DGKI: variants seen among roughly 807,000 people sequenced by gnomAD.
DGKI encodes diacylglycerol kinase iota.
A neutral mutation model predicts 147.5 loss-of-function variants in DGKI; 55 were observed. That is an observed-to-expected ratio of 0.37 (90% CI 0.30 to 0.47). DGKI has a LOEUF of 0.47. DGKI is among the 20% of genes least tolerant of loss of function. The probability of loss-of-function intolerance (pLI) is 1.00; values close to 1 mark genes in which losing one functional copy is unlikely to be tolerated. For missense variants in DGKI, 1,007 were observed against 1,323.8 expected (o/e 0.76, Z 3.71); for synonymous variants, 469 against 477.1 (o/e 0.98, Z 0.22).
At chr7:137,621,754 C>A (rs936203275) in intron 7 of DGKI, among the ~76,000 whole-genome samples, 1 of 152,200 alleles carries the variant, frequency 6.6e-6, no homozygotes, top group Non-Finnish European at 1.5e-5. Flanking sequence ...AGAAAGAGAG[C>A]ACACATGTTC....
At chr7:137,835,395 T>C (rs1281297453) in intron 1 of DGKI, among the ~76,000 whole-genome samples, 3 of 152,146 alleles carry the variant, frequency 2.0e-5, no homozygotes, top group Non-Finnish European at 4.4e-5. Flanking sequence ...GGCTATTTCT[T>C]CCCCTAAAAA....
intron 27 of DGKI, among the ~76,000 whole-genome samples, chr7:137,454,107 A>G (rs1218323188): frequency 6.6e-6 from 1 of 152,172 alleles, no homozygotes; most frequent in Non-Finnish European, 1.5e-5. Flanking sequence ...ATTCTTAAAA[A>G]ATGCACAGAG....
chr7:137,629,218 A>G (rs1393283814), intron 6 of DGKI, among the ~76,000 whole-genome samples: 1 of 151,250 alleles, frequency 6.6e-6, no homozygotes, highest in Non-Finnish European at 1.5e-5. Context: ...ACTTCCTATG[A>G]TTTTTGAAAA....
intron 24 of DGKI, 32 bp downstream of exon 24, chr7:137,469,518 C>A: frequency 6.2e-7 from 1 of 1,611,958 alleles, no homozygotes; most frequent in Non-Finnish European, 8.5e-7. Flanking sequence ...TTCCCCAACT[C>A]CCACGATACC....
intron 23 of DGKI, among the ~76,000 whole-genome samples, chr7:137,477,684 T>C (rs1197633088): frequency 2.6e-5 from 4 of 151,944 alleles, no homozygotes; most frequent in Admixed American, 2.6e-4. Context: ...TGAGACAGGG[T>C]CTCACCCTGT....
intron 3 of DGKI, among the ~76,000 whole-genome samples, chr7:137,657,121 C>T (rs899236884): frequency 5.3e-5 from 8 of 152,180 alleles, no homozygotes; most frequent in South Asian, 2.1e-4. Flanking sequence ...TCAGCTTTTA[C>T]GCCCAGGAAA....
chr7:137,768,489 C>T (rs952158030), intron 1 of DGKI, among the ~76,000 whole-genome samples: 2 of 152,158 alleles, frequency 1.3e-5, no homozygotes, highest in African/African-American at 4.8e-5. Context: ...AGACGACTCT[C>T]AAGAAGCAGC....
intron 3 of DGKI, among the ~76,000 whole-genome samples, chr7:137,664,535 T>C (rs914581757): frequency 2.0e-5 from 3 of 152,204 alleles, no homozygotes; most frequent in African/African-American, 7.2e-5. Flanking sequence ...GACTATCTGA[T>C]AGAAGGGCTA....
At chr7:137,814,438 T>C (rs754687315) in intron 1 of DGKI, among the ~76,000 whole-genome samples, 68 of 152,288 alleles carry the variant, frequency 4.5e-4, no homozygotes, top group Non-Finnish European at 8.1e-4. Flanking sequence ...ATGACCAACA[T>C]TTAGTTCATT....
chr7:137,581,993 C>T, intron 14 of DGKI, 65 bp from the exon 15 acceptor site: 1 of 1,349,306 alleles, frequency 7.4e-7, no homozygotes, highest in Admixed American at 1.7e-5. Flanking sequence ...AAGAATAAAA[C>T]CTAAAGCTGG....
intron 1 of DGKI, among the ~76,000 whole-genome samples, chr7:137,709,263 T>G (rs6971978): frequency 0.52 from 78,357 of 151,970 alleles, 22,708 homozygotes; most frequent in African/African-American, 0.79. Flanking sequence ...AGGGCCTCTT[T>G]CTCTTATGGG....
chr7:137,391,466 A>C (rs536003587), intron 32 of DGKI, 130 bp from the exon 33 acceptor site: 1 of 628,082 alleles, frequency 1.6e-6, no homozygotes, highest in South Asian at 2.0e-5. Flanking sequence ...GATACCTGCT[A>C]GTAAGGATCC....
At chr7:137,695,517 A>C (rs1280410457) in intron 1 of DGKI, among the ~76,000 whole-genome samples, 1 of 152,148 alleles carries the variant, frequency 6.6e-6, no homozygotes, top group African/African-American at 2.4e-5. Flanking sequence ...TTTCATAATA[A>C]ATTTCCCATT....
chr7:137,668,392 T>C (rs1822718865), intron 3 of DGKI, among the ~76,000 whole-genome samples: 1 of 152,076 alleles, frequency 6.6e-6, no homozygotes, highest in Admixed American at 6.6e-5. Flanking sequence ...CTCTAAAGAG[T>C]CTTAAAAAGG....
chr7:137,821,388 C>T (rs1797890941), intron 1 of DGKI, among the ~76,000 whole-genome samples: 1 of 151,666 alleles, frequency 6.6e-6, no homozygotes, highest in Admixed American at 6.6e-5. Context: ...CCAATTCACC[C>T]CTGGTCACAG....
chr7:137,491,160 A>C (rs1815748731), intron 21 of DGKI, among the ~76,000 whole-genome samples: 1 of 152,234 alleles, frequency 6.6e-6, no homozygotes, highest in South Asian at 2.1e-4. Flanking sequence ...AAAGGCTTGC[A>C]AACTGGCAGT....
At chr7:137,471,846 T>C (rs1452000697) in intron 23 of DGKI, among the ~76,000 whole-genome samples, 1 of 148,002 alleles carries the variant, frequency 6.8e-6, no homozygotes, top group African/African-American at 2.5e-5. Flanking sequence ...CATATAGCTA[T>C]GGATACAGAG....
At chr7:137,479,558 ATAATT>A (rs748377039) in intron 23 of DGKI, among the ~76,000 whole-genome samples, 1 of 152,210 alleles carries the variant, frequency 6.6e-6, no homozygotes, top group Non-Finnish European at 1.5e-5. Context: ...TGATGCACAC[ATAATT>A]TAATGAAGGC....
At chr7:137,807,324 C>T (rs1797411179) in intron 1 of DGKI, among the ~76,000 whole-genome samples, 1 of 152,198 alleles carries the variant, frequency 6.6e-6, no homozygotes, top group South Asian at 2.1e-4. Context: ...CAAAAAGCTG[C>T]TAGGAATCAG....
Sources: gnomAD v4.1 joint callset for allele counts (sites outside exome capture counted in the v4.1 genomes callset) on GRCh38, gnomAD v4.1.1 for gene constraint, MANE v1.5 for transcripts, NCBI Gene and HGNC (gene_info 2026-07-23, HGNC 2026-07-21) for gene names.